Variants in CDKN3 observed in about 807,000 individuals in gnomAD.
The protein encoded by CDKN3 is cyclin-dependent kinase inhibitor 3.
CDKN3 carries 19 observed loss-of-function variants against 36.1 expected under a neutral mutation model. The observed-to-expected ratio is 0.53, with a 90% CI of 0.37 to 0.77. The LOEUF is 0.77. CDKN3 is among the 30% of genes least tolerant of loss of function. CDKN3 has a pLI of 0.00. For missense variants in CDKN3, 188 were observed against 248.6 expected (o/e 0.76, Z 1.64); for synonymous variants, 71 against 85.3 (o/e 0.83, Z 0.92).
intron 3 of CDKN3, among the ~76,000 whole-genome samples, chr14:54,407,095 A>C (rs2030186777): frequency 6.6e-6 from 1 of 152,190 alleles, no homozygotes; most frequent in African/African-American, 2.4e-5. Flanking sequence ...TGTAACAGTC[A>C]GGCCCCTCTT....
At chr14:54,403,024 G>A (rs553027053) in intron 3 of CDKN3, among the ~76,000 whole-genome samples, 10 of 152,256 alleles carry the variant, frequency 6.6e-5, no homozygotes, top group Non-Finnish European at 1.0e-4. Context: ...GATTGTCTTG[G>A]CTATATGGGC....
intron 3 of CDKN3, among the ~76,000 whole-genome samples, chr14:54,408,268 A>G (rs2030230970): frequency 6.6e-6 from 1 of 152,236 alleles, no homozygotes. Flanking sequence ...CATCCGTGCC[A>G]ACAATATATT....
rs189045209 is a variant in CDKN3, at chr14:54,406,888, G to A, written c.149-1857G>A. On this transcript the variant is annotated intron_variant, in intron 3 of 7. Transcript: ENST00000335183. ...TGTCCAGTTTTGTTCCCTTGCTGGC[G>A]AGGAGTTGTGATCCTTTGGAGGAGA... Among the ~76,000 whole-genome samples, 1,064 of 151,988 alleles carry A rather than the reference G, an allele frequency of 7.0e-3. 9 individuals are homozygous for A. Among genetic ancestry groups the A allele is most frequent in the African/African-American group, 0.022 (918 of 41,508 alleles).
intron 6 of CDKN3, among the ~76,000 whole-genome samples, chr14:54,417,469 T>G (rs993586746): frequency 3.9e-5 from 6 of 152,196 alleles, no homozygotes; most frequent in African/African-American, 1.2e-4. Flanking sequence ...CAAAGTACAC[T>G]AGTGGTTGCC....
At chr14:54,403,516 T>C (rs919710742) in intron 3 of CDKN3, among the ~76,000 whole-genome samples, 6 of 152,244 alleles carry the variant, frequency 3.9e-5, no homozygotes, top group Non-Finnish European at 7.3e-5. Context: ...CTCTTCCTAT[T>C]TGAATACTCT....
chr14:54,419,850 G>A, intron 7 of CDKN3, 142 bp from the exon 8 acceptor site: 1 of 531,308 alleles, frequency 1.9e-6, no homozygotes, highest in Non-Finnish European at 3.4e-6. Flanking sequence ...ACTTCCCCAT[G>A]ATGCAAATGC....
intron 7 of CDKN3, chr14:54,418,493 G>A (rs2030622402): frequency 1.9e-6 from 1 of 524,964 alleles, no homozygotes. Context: ...TCAAAACACT[G>A]CACTAGCAAT....
chr14:54,413,786 C>T, intron 5 of CDKN3: 3 of 1,419,374 alleles, frequency 2.1e-6, no homozygotes, highest in Non-Finnish European at 2.7e-6. Flanking sequence ...ATTTGCAGCC[C>T]TTTATAAAAT....
intron 1 of CDKN3, among the ~76,000 whole-genome samples, chr14:54,398,033 A>C (rs540894159): frequency 1.1e-4 from 17 of 152,350 alleles, no homozygotes; most frequent in Admixed American, 1.1e-3. Context: ...CGGGAGGCTG[A>C]GCCACGCAAA....
rs35529322 is a variant in CDKN3, at chr14:54,402,309, C to CGTGTGT, written c.148+751_148+756dup. Among the ~76,000 whole-genome samples, 925 of 147,808 alleles carry CGTGTGT rather than the reference C, an allele frequency of 6.3e-3. 8 individuals are homozygous for CGTGTGT. The highest frequency in any genetic ancestry group is 0.017 in the African/African-American group (687 of 40,292). On this transcript the variant is annotated intron_variant, in intron 3 of 7. Coordinates refer to ENST00000335183, the MANE Select transcript of CDKN3 (RefSeq NM_005192.4). Reference sequence around the variant, plus strand: ...AGTAGTATTCCATGGCATGTGTGTGCGTGTGTGTGTGTGTGTGTGTGTGTG... The same window carrying CGTGTGT: ...AGTAGTATTCCATGGCATGTGTGTGCGTGTGTGTGTGTGTGTGTGTGTGTGTGTGTG...
chr14:54,401,943 C>T (rs1032488181), intron 3 of CDKN3, among the ~76,000 whole-genome samples: 1 of 152,318 alleles, frequency 6.6e-6, no homozygotes, highest in African/African-American at 2.4e-5. Context: ...GGTGCAGTCA[C>T]TCACACCCGT....
At chr14:54,416,284 T>C (rs989628019) in intron 6 of CDKN3, among the ~76,000 whole-genome samples, 2 of 152,186 alleles carry the variant, frequency 1.3e-5, no homozygotes, top group Non-Finnish European at 2.9e-5. Flanking sequence ...AATTACTATA[T>C]GTTAATTTAA....
intron 3 of CDKN3, among the ~76,000 whole-genome samples, chr14:54,404,866 C>T (rs1220930363): frequency 1.3e-5 from 2 of 152,240 alleles, no homozygotes; most frequent in Non-Finnish European, 2.9e-5. Context: ...AGGCCTGAGC[C>T]ACCGCACCCG....
intron 6 of CDKN3, among the ~76,000 whole-genome samples, chr14:54,416,672 A>C (rs1437818103): frequency 5.9e-5 from 9 of 152,152 alleles, no homozygotes; most frequent in Admixed American, 5.2e-4. Flanking sequence ...AAAATTAGCC[A>C]GGCATAGTGG....
intron 1 of CDKN3, among the ~76,000 whole-genome samples, chr14:54,398,554 T>A (rs147233198): frequency 2.0e-3 from 298 of 152,378 alleles, no homozygotes; most frequent in African/African-American, 6.8e-3. Context: ...AGCTTTAAGC[T>A]GCATACTCCA....
At chr14:54,398,688 AATTTCAACAAGG>A (rs1408799849) in intron 1 of CDKN3, among the ~76,000 whole-genome samples, 9 of 152,120 alleles carry the variant, frequency 5.9e-5, no homozygotes, top group African/African-American at 2.2e-4. Context: ...GATTCCTTAA[AATTTCAACAAGG>A]AGTGTAGAAG....
intron 4 of CDKN3, among the ~76,000 whole-genome samples, chr14:54,410,250 G>C (rs1248468759): frequency 2.0e-5 from 3 of 152,164 alleles, no homozygotes; most frequent in Admixed American, 2.0e-4. Context: ...CAGTTCCTGA[G>C]ATACTTTCTT....
intron 3 of CDKN3, among the ~76,000 whole-genome samples, chr14:54,406,925 G>C (rs2030179155): frequency 6.6e-6 from 1 of 152,032 alleles, no homozygotes; most frequent in Non-Finnish European, 1.5e-5. Flanking sequence ...GAGGTATTCT[G>C]GTTTTTGGAA....
chr14:54,412,215 C>T (rs574407069), intron 5 of CDKN3, among the ~76,000 whole-genome samples: 2 of 151,924 alleles, frequency 1.3e-5, no homozygotes, highest in East Asian at 3.9e-4. Context: ...ACCCCATCTC[C>T]GCAAAAAGTA....
Sources: allele counts gnomAD v4.1 joint callset (sites outside exome capture counted in the v4.1 genomes callset), GRCh38; gene constraint gnomAD v4.1.1; transcripts MANE v1.5; gene names NCBI Gene and HGNC (gene_info 2026-07-23, HGNC 2026-07-21).